The following NOP9 variants were observed in gnomAD, a reference collection of about 807,000 sequenced individuals.
The protein encoded by NOP9 is NOP9 nucleolar protein.
NOP9 carries 50 observed loss-of-function variants against 63.0 expected under a neutral mutation model. The ratio of observed to expected loss-of-function variants is 0.79; its 90% CI spans 0.63 to 1.00. The LOEUF (loss-of-function observed/expected upper bound fraction) is 1.00, where lower values mean the gene tolerates loss of function less well. Ranked by LOEUF, NOP9 falls within the 50% of genes least tolerant of loss-of-function variation. The pLI is 0.00. For synonymous variants in NOP9, 343 were observed against 332.8 expected (o/e 1.03, Z -0.33); for missense variants, 758 against 803.0 (o/e 0.94, Z 0.68).
At chr14:24,292,543 C>G in the NOP9 span, 1 of 1,585,794 alleles carries the variant, frequency 6.3e-7, no homozygotes, top group South Asian at 1.1e-5. Flanking sequence ...AGAGGAGGAG[C>G]TGAGAGGAGC....
the NOP9 span, chr14:24,292,620 C>T: frequency 6.2e-7 from 1 of 1,614,072 alleles, no homozygotes; most frequent in African/African-American, 1.3e-5. Flanking sequence ...CTGTCTTTTA[C>T]CTCCTCAGCT....
At chr14:24,293,655 G>A in the NOP9 span, 6 of 152,008 alleles carry the variant, frequency 3.9e-5, no homozygotes, top group African/African-American at 1.4e-4. Context: ...TCTTGTGGGT[G>A]AGGGGGATTG....
At chr14:24,303,704 G>A in intron 6 of NOP9, 28 bp from the exon 7 acceptor site, 3 of 1,603,392 alleles carry the variant, frequency 1.9e-6, no homozygotes, top group East Asian at 2.2e-5. Flanking sequence ...AAGTTCTCAG[G>A]TTCATCATAT....
At chr14:24,285,137 C>T in the NOP9 span, among the ~76,000 whole-genome samples, 1 of 152,196 alleles carries the variant, frequency 6.6e-6, no homozygotes, top group African/African-American at 2.4e-5. Flanking sequence ...ATTTTGATAC[C>T]TCACAACCCT....
At chr14:24,302,556 T>C in intron 5 of NOP9, 132 bp downstream of exon 5, 1 of 917,624 alleles carries the variant, frequency 1.1e-6, no homozygotes, top group East Asian at 2.6e-5. Flanking sequence ...TTCTTTGAGG[T>C]TTTCCAGAGC....
chr14:24,271,441 C>A, the NOP9 span: 28 of 256,502 alleles, frequency 1.1e-4, no homozygotes, highest in Non-Finnish European at 1.7e-4. Context: ...GCTACCCGCC[C>A]GTCCCACGGC....
upstream of NOP9, among the ~76,000 whole-genome samples, chr14:24,295,109 T>C (rs1300364557): frequency 6.6e-6 from 1 of 152,188 alleles, no homozygotes; most frequent in Non-Finnish European, 1.5e-5. Flanking sequence ...ATTCCACTGC[T>C]GCAACAAATA....
the NOP9 span, among the ~76,000 whole-genome samples, chr14:24,286,624 G>A: frequency 2.0e-5 from 3 of 151,368 alleles, no homozygotes; most frequent in East Asian, 5.8e-4. Context: ...ACGGAGTCTC[G>A]CTCTGTCGCC....
In NOP9 at chr14:24,307,881, C is replaced by A; in HGVS notation, c.*2786C>A. On this transcript the variant is annotated 3_prime_UTR_variant, in exon 10 of 10. Coordinates refer to ENST00000267425, the MANE Select transcript of NOP9 (RefSeq NM_174913.3). ...CATGGTGGACCGGAGAGTTCCTTCC[C>A]TGGAACTTCTGGGCTGGGTGGTTCT... 1 of 1,572,742 alleles carries A rather than the reference C, an allele frequency of 6.4e-7. No homozygotes were observed. The highest frequency in any genetic ancestry group is 2.3e-5 in the East Asian group (1 of 43,206).
In NOP9 at chr14:24,306,690, T is replaced by C. The variant is rs2041520333; in HGVS notation, c.*1595T>C. 1.3e-6 allele frequency: 1 copy of C among 778,342 alleles called. No individual in the cohort carries two copies. The highest frequency in any genetic ancestry group is 2.0e-6 in the Non-Finnish European group (1 of 488,592). 48.2% of individuals were successfully genotyped at this position (778,342 alleles called of 1,614,324 possible). On this transcript the variant is annotated 3_prime_UTR_variant, in exon 10 of 10. Coordinates refer to ENST00000267425, the MANE Select transcript of NOP9 (RefSeq NM_174913.3). ...TGCAGCTCTCCGTGTTCTTCAGTTT[T>C]TGGGGGATCCTAGCTAGAGGCTGAC...
chr14:24,307,605 G>A lies in NOP9; in HGVS notation c.*2510G>A, dbSNP rs1260932376. On this transcript the variant is annotated 3_prime_UTR_variant, in exon 10 of 10. Coordinates refer to ENST00000267425, the MANE Select transcript of NOP9 (RefSeq NM_174913.3). The stretch of plus-strand genomic sequence containing the variant: ...TGAGGGTAGAGTGGCTAGAGGGCTA[G>A]GGAGGGAGAGATCTAGGTTTATCGA... 16 of 1,463,908 alleles carry A rather than the reference G, an allele frequency of 1.1e-5. No homozygotes were observed. Among genetic ancestry groups the A allele is most frequent in the Non-Finnish European group, 1.5e-5 (16 of 1,062,680 alleles). The allele number at this position is 1,463,908 out of a possible 1,614,324, so 90.7% of individuals were successfully genotyped here. A position where few individuals can be genotyped will look rare whatever the true frequency, so the allele number is the denominator to read the frequency against.
chr14:24,299,704 G>A, upstream of NOP9: 10 of 461,794 alleles, frequency 2.2e-5, no homozygotes, highest in Middle Eastern at 5.7e-4. Flanking sequence ...AGTAGGACCC[G>A]GGGCGATTCT....
intron 3 of NOP9, 68 bp downstream of exon 3, chr14:24,301,790 G>C: frequency 6.4e-7 from 1 of 1,552,994 alleles, no homozygotes; most frequent in Non-Finnish European, 8.9e-7. Flanking sequence ...ACCAAGCAAG[G>C]CCCTTACCTC....
chr14:24,280,047 A>C, the NOP9 span, among the ~76,000 whole-genome samples: 1 of 152,130 alleles, frequency 6.6e-6, no homozygotes, highest in Non-Finnish European at 1.5e-5. Context: ...TCCCTGTCCC[A>C]TTCATCCATC....
upstream of NOP9, chr14:24,299,192 T>G: frequency 6.8e-7 from 1 of 1,467,508 alleles, no homozygotes; most frequent in Non-Finnish European, 9.1e-7. Context: ...TGGGGCGAGG[T>G]TGGGGGGTAG....
chr14:24,292,789 A>C, the NOP9 span: 1 of 1,609,400 alleles, frequency 6.2e-7, no homozygotes, highest in Non-Finnish European at 8.5e-7. Flanking sequence ...TGGCCTCTAG[A>C]AGGTGGGGCA....
At chr14:24,303,335 C>A in intron 6 of NOP9, 121 bp downstream of exon 6, 2 of 1,282,376 alleles carry the variant, frequency 1.6e-6, no homozygotes, top group Non-Finnish European at 2.2e-6. Flanking sequence ...AAGGAGTTCA[C>A]AGGAATGGGG....
At chr14:24,301,575 G>C in intron 2 of NOP9, 37 bp from the exon 3 acceptor site, 2 of 1,608,792 alleles carry the variant, frequency 1.2e-6, no homozygotes, top group Non-Finnish European at 1.7e-6. Context: ...GGCAGTTTGT[G>C]ATCTCCCCAC....
At chr14:24,275,683 A>AC in the NOP9 span, among the ~76,000 whole-genome samples, 4 of 152,124 alleles carry the variant, frequency 2.6e-5, no homozygotes, top group African/African-American at 9.6e-5. Flanking sequence ...GCCCTGGGCC[A>AC]GGGCCCTGGG....
Sources: gnomAD v4.1 joint callset for allele counts (sites outside exome capture counted in the v4.1 genomes callset) on GRCh38, gnomAD v4.1.1 for gene constraint, MANE v1.5 for transcripts, NCBI Gene and HGNC (gene_info 2026-07-23, HGNC 2026-07-21) for gene names.